The following CTNNBL1 variants were observed in gnomAD, a reference collection of about 807,000 sequenced individuals.
The protein encoded by CTNNBL1 is catenin beta like 1, also known as beta-catenin-like protein 1.
CTNNBL1 carries 31 observed loss-of-function variants against 72.7 expected under a neutral mutation model. The ratio of observed to expected loss-of-function variants is 0.43; its 90% confidence interval spans 0.32 to 0.58. The LOEUF (loss-of-function observed/expected upper bound fraction) is 0.58, where lower values mean the gene tolerates loss of function less well. Ranked by LOEUF, CTNNBL1 falls within the 20% of genes least tolerant of loss-of-function variation. CTNNBL1 has a pLI of 0.08. For missense variants in CTNNBL1, 534 were observed against 725.1 expected (o/e 0.74, Z 3.03); for synonymous variants, 240 against 267.3 (o/e 0.90, Z 1.00).
chr20:37,739,078 CTGTG>C (rs34184566), intron 3 of CTNNBL1, among the ~76,000 whole-genome samples: 5,133 of 147,386 alleles, frequency 0.035, 130 homozygotes, highest in East Asian at 0.12. Context: ...TACAGGAGCA[CTGTG>C]TGTGTGTGTG....
chr20:37,716,739 A>C (rs1213844188), intron 1 of CTNNBL1, among the ~76,000 whole-genome samples: 1 of 152,208 alleles, frequency 6.6e-6, no homozygotes, highest in Admixed American at 6.5e-5. Flanking sequence ...CAAGTGCTGG[A>C]AAGTATGTTA....
intron 1 of CTNNBL1, among the ~76,000 whole-genome samples, chr20:37,702,622 G>C (rs1442431436): frequency 6.6e-6 from 1 of 152,130 alleles, no homozygotes; most frequent in Non-Finnish European, 1.5e-5. Context: ...TATTCTCATT[G>C]ATAACATTTC....
Position 37,777,658 on chromosome 20 carries a change from CAG to C in CTNNBL1, c.829_830del (p.Arg277GlyfsTer20), listed in dbSNP as rs2073588076. 6.2e-7 allele frequency: 1 copy of C among 1,613,276 alleles called. No homozygotes were observed. The highest frequency in any genetic ancestry group is 8.5e-7 in the Non-Finnish European group (1 of 1,179,490). Reference protein sequence around the residue: ...AILLQDNDENRELLGELDGID... With the variant: ...AILLQDNDENXELLGELDGID... ...CTCTATTTTTTTCCCCTTTAGAAAA[CAG>C]GGAATTGCTTGGGGAGCTGGATGGA... On this transcript the variant is annotated frameshift_variant, in exon 9 of 16. Coordinates refer to ENST00000361383, the MANE Select transcript of CTNNBL1 (RefSeq NM_030877.5). LOFTEE classifies it high-confidence loss of function.
At chr20:37,747,822 T>C (rs1467857121) in intron 4 of CTNNBL1, among the ~76,000 whole-genome samples, 3 of 152,138 alleles carry the variant, frequency 2.0e-5, no homozygotes, top group African/African-American at 4.8e-5. Context: ...TCAAGTGATT[T>C]TGCCTCAGCC....
intron 1 of CTNNBL1, among the ~76,000 whole-genome samples, chr20:37,708,776 A>G (rs537606065): frequency 2.0e-4 from 30 of 152,106 alleles, no homozygotes; most frequent in Non-Finnish European, 3.5e-4. Flanking sequence ...TAAGCAGATT[A>G]TGTGCACTGG....
intron 7 of CTNNBL1, among the ~76,000 whole-genome samples, chr20:37,770,987 C>T (rs1273821452): frequency 5.3e-5 from 8 of 152,170 alleles, no homozygotes; most frequent in Admixed American, 1.3e-4. Flanking sequence ...TCTTCAACAT[C>T]GTGGTGACTC....
intron 1 of CTNNBL1, among the ~76,000 whole-genome samples, chr20:37,728,923 AAGTTAACAG>A (rs2073107423): frequency 6.6e-6 from 1 of 152,102 alleles, no homozygotes; most frequent in Non-Finnish European, 1.5e-5. Context: ...CTATTGATAA[AAGTTAACAG>A]AGTTATTCTT....
rs1336306172 is a variant in CTNNBL1, at chr20:37,717,252, C to T, written c.31-15627C>T. On this transcript the variant is annotated intron_variant, in intron 1 of 15. Transcript: ENST00000361383. The stretch of plus-strand genomic sequence containing the variant: ...AAAAAATAATTAAATATTTCTTTGC[C>T]CACTTTGGTCTTAATAAAATCATGC... 1.3e-4 allele frequency among the ~76,000 whole-genome samples: 20 copies of T among 152,120 alleles called. 1 individual carries two copies. Among genetic ancestry groups the T allele is most frequent in the Non-Finnish European group, 7.3e-5 (5 of 68,046 alleles).
chr20:37,706,481 ACTTT>A (rs1228795450), intron 1 of CTNNBL1, among the ~76,000 whole-genome samples: 1 of 152,248 alleles, frequency 6.6e-6, no homozygotes, highest in African/African-American at 2.4e-5. Flanking sequence ...TCTAGAAGCC[ACTTT>A]CTTTGCTTAT....
intron 13 of CTNNBL1, among the ~76,000 whole-genome samples, chr20:37,857,928 C>G (rs2072457288): frequency 6.6e-6 from 1 of 152,226 alleles, no homozygotes; most frequent in Non-Finnish European, 1.5e-5. Context: ...CAATCGTTCA[C>G]ACCTGTAATC....
intron 12 of CTNNBL1, among the ~76,000 whole-genome samples, chr20:37,841,457 A>T (rs1359538334): frequency 1.3e-5 from 2 of 152,180 alleles, no homozygotes; most frequent in African/African-American, 4.8e-5. Flanking sequence ...AAAATACTTT[A>T]TAAGCTGCAA....
intron 12 of CTNNBL1, among the ~76,000 whole-genome samples, chr20:37,841,486 A>G (rs1249639278): frequency 6.6e-6 from 1 of 152,232 alleles, no homozygotes; most frequent in Non-Finnish European, 1.5e-5. Context: ...TCTTAGGGTC[A>G]TCAGTGTTGG....
intron 10 of CTNNBL1, among the ~76,000 whole-genome samples, chr20:37,792,406 T>G (rs2122716113): frequency 6.6e-6 from 1 of 152,296 alleles, no homozygotes; most frequent in South Asian, 2.1e-4. Context: ...ACTCCCGGAC[T>G]CAAAAGATCC....
intron 1 of CTNNBL1, among the ~76,000 whole-genome samples, chr20:37,699,994 G>A (rs1262777530): frequency 2.0e-5 from 3 of 152,216 alleles, no homozygotes; most frequent in South Asian, 2.1e-4. Context: ...TTAAGTACGC[G>A]ACTCTCTCTG....
At chr20:37,702,009 A>G (rs1401023770) in intron 1 of CTNNBL1, among the ~76,000 whole-genome samples, 1 of 152,202 alleles carries the variant, frequency 6.6e-6, no homozygotes, top group Non-Finnish European at 1.5e-5. Flanking sequence ...TTACAGTGCT[A>G]ACAGTATACT....
At position 37,813,610 on chromosome 20, in the gene CTNNBL1, A is replaced by G. The variant is rs186580326; in HGVS notation, c.1213+10562A>G. The stretch of plus-strand genomic sequence containing the variant: ...GGTAGAAACTTGGCTCTTTAGGGGC[A>G]GCATTACCAGAATTCTTATTTTAGA... On this transcript the variant is annotated intron_variant, in intron 11 of 15. Coordinates refer to ENST00000361383, the MANE Select transcript of CTNNBL1 (RefSeq NM_030877.5). Among the ~76,000 whole-genome samples the G allele has an allele frequency of 2.7e-3, 409 of 152,348 alleles. 5 individuals carry two copies. The highest frequency in any genetic ancestry group is 0.027 in the East Asian group (138 of 5,192).
At chr20:37,698,087 G>C (rs750290780) in intron 1 of CTNNBL1, among the ~76,000 whole-genome samples, 1 of 152,128 alleles carries the variant, frequency 6.6e-6, no homozygotes, top group Non-Finnish European at 1.5e-5. Flanking sequence ...CCTGGATCTT[G>C]GCCTTTACAT....
chr20:37,804,515 T>A (rs537757854), intron 11 of CTNNBL1, among the ~76,000 whole-genome samples: 1 of 152,350 alleles, frequency 6.6e-6, no homozygotes, highest in Non-Finnish European at 1.5e-5. Context: ...TTCACTGCAT[T>A]TTCCTTTCTG....
intron 4 of CTNNBL1, among the ~76,000 whole-genome samples, chr20:37,751,821 T>G (rs2073323003): frequency 6.6e-6 from 1 of 152,262 alleles, no homozygotes; most frequent in Admixed American, 6.5e-5. Context: ...AAGCACTGTC[T>G]AACAAGACTT....
Sources: allele counts gnomAD v4.1 joint callset (sites outside exome capture counted in the v4.1 genomes callset), GRCh38; gene constraint gnomAD v4.1.1; transcripts MANE v1.5; gene names NCBI Gene and HGNC (gene_info 2026-07-23, HGNC 2026-07-21).